The following CTNNA3 variants were observed in gnomAD, a reference collection of about 807,000 sequenced individuals.
The protein encoded by CTNNA3 is catenin alpha 3.
CTNNA3 carries 76 observed loss-of-function variants against 95.7 expected under a neutral mutation model. That is an observed-to-expected ratio of 0.79 (90% CI 0.66 to 0.96). CTNNA3 has a LOEUF of 0.96. CTNNA3 is among the 40% of genes least tolerant of loss of function. The pLI is 0.00. For missense variants in CTNNA3, 1,191 were observed against 1,089.8 expected (o/e 1.09, Z -1.31); for synonymous variants, 431 against 374.4 (o/e 1.15, Z -1.74).
intron 10 of CTNNA3, among the ~76,000 whole-genome samples, chr10:66,593,243 G>A (rs1186408556): frequency 1.3e-5 from 2 of 152,092 alleles, no homozygotes; most frequent in East Asian, 3.9e-4. Context: ...GGTGAGAACA[G>A]AACTAATCTG....
At chr10:66,109,313 G>C (rs1437393488) in intron 13 of CTNNA3, among the ~76,000 whole-genome samples, 1 of 152,166 alleles carries the variant, frequency 6.6e-6, no homozygotes, top group African/African-American at 2.4e-5. Flanking sequence ...TTAGCCTCAA[G>C]AGAAGTGTTT....
chr10:66,413,012 G>T (rs1158617465), intron 11 of CTNNA3, among the ~76,000 whole-genome samples: 1 of 152,142 alleles, frequency 6.6e-6, no homozygotes, highest in African/African-American at 2.4e-5. Flanking sequence ...CACAGGAATT[G>T]CAATATAAGT....
chr10:65,989,010 G>A (rs1157124223), intron 15 of CTNNA3, among the ~76,000 whole-genome samples: 2 of 151,976 alleles, frequency 1.3e-5, no homozygotes, highest in Non-Finnish European at 2.9e-5. Context: ...GTGCAGTCTC[G>A]GCTCACTGCA....
chr10:67,090,549 G>A (rs993586551), intron 7 of CTNNA3, among the ~76,000 whole-genome samples: 1 of 152,034 alleles, frequency 6.6e-6, no homozygotes, highest in African/African-American at 2.4e-5. Flanking sequence ...CAACCACTTA[G>A]GCAACTCACT....
chr10:67,509,982 A>G (rs1474137517), intron 5 of CTNNA3, among the ~76,000 whole-genome samples: 1 of 152,090 alleles, frequency 6.6e-6, no homozygotes, highest in Non-Finnish European at 1.5e-5. Context: ...TGGCTGCATA[A>G]ATGTCTTCTT....
chr10:66,366,655 T>G (rs919771621), intron 12 of CTNNA3, among the ~76,000 whole-genome samples: 1 of 152,142 alleles, frequency 6.6e-6, no homozygotes, highest in Non-Finnish European at 1.5e-5. Context: ...GCTCCAGAAC[T>G]GTGAGCAATA....
intron 5 of CTNNA3, among the ~76,000 whole-genome samples, chr10:67,506,439 C>T (rs924373013): frequency 2.0e-5 from 3 of 152,116 alleles, no homozygotes; most frequent in African/African-American, 7.2e-5. Context: ...AATAAGTACG[C>T]CTTAAAAAAA....
chr10:67,460,572 C>T (rs1847338685), intron 5 of CTNNA3, among the ~76,000 whole-genome samples: 2 of 152,098 alleles, frequency 1.3e-5, no homozygotes, highest in Non-Finnish European at 2.9e-5. Flanking sequence ...AACGAAACAG[C>T]ATAAATAGCT....
chr10:66,913,273 A>C (rs891995975), intron 7 of CTNNA3, among the ~76,000 whole-genome samples: 3 of 150,110 alleles, frequency 2.0e-5, no homozygotes, highest in African/African-American at 7.3e-5. Flanking sequence ...AAAGAAAAAG[A>C]AAAAAGAAAT....
At chr10:66,593,349 T>A (rs61311885) in intron 10 of CTNNA3, among the ~76,000 whole-genome samples, 6 of 151,948 alleles carry the variant, frequency 3.9e-5, no homozygotes, top group Non-Finnish European at 7.4e-5. Flanking sequence ...AAAGTGCACA[T>A]TCTGCTCCCC....
chr10:66,960,108 A>G (rs1047106979), intron 7 of CTNNA3, among the ~76,000 whole-genome samples: 1 of 151,986 alleles, frequency 6.6e-6, no homozygotes, highest in Admixed American at 6.6e-5. Flanking sequence ...CCCTAAAAAT[A>G]TTTCTTTCTC....
chr10:66,952,298 GAA>G (rs1589479983), intron 7 of CTNNA3, among the ~76,000 whole-genome samples: 2 of 152,182 alleles, frequency 1.3e-5, no homozygotes, highest in East Asian at 1.9e-4. Flanking sequence ...CTGAGGCTTT[GAA>G]AAGAGACAGA....
chr10:66,490,122 T>G (rs1412808257), intron 11 of CTNNA3, among the ~76,000 whole-genome samples: 1 of 152,204 alleles, frequency 6.6e-6, no homozygotes, highest in Non-Finnish European at 1.5e-5. Flanking sequence ...AGACTAACTT[T>G]GGTGCCTCAT....
intron 7 of CTNNA3, among the ~76,000 whole-genome samples, chr10:66,818,818 T>G (rs1842189867): frequency 6.6e-6 from 1 of 151,908 alleles, no homozygotes; most frequent in African/African-American, 2.4e-5. Flanking sequence ...TAGAAAAAAG[T>G]TAGGCTCACC....
chr10:67,521,251 C>T (rs900612807), intron 5 of CTNNA3, among the ~76,000 whole-genome samples: 1 of 152,048 alleles, frequency 6.6e-6, no homozygotes, highest in African/African-American at 2.4e-5. Context: ...AGTTCTAAAA[C>T]AAACCCTATA....
chr10:66,158,789 T>C (rs2084688027), intron 13 of CTNNA3, among the ~76,000 whole-genome samples: 1 of 152,148 alleles, frequency 6.6e-6, no homozygotes, highest in East Asian at 1.9e-4. Flanking sequence ...GCATAGGACA[T>C]GTTTCCATTT....
rs535546028 is a variant in CTNNA3, at chr10:66,252,454, T to C, written c.1884+28016A>G. Among the ~76,000 whole-genome samples, 5 of 152,346 alleles carry C rather than the reference T, an allele frequency of 3.3e-5. No individual in the cohort carries two copies. In the South Asian group the frequency reaches 1.0e-3, roughly 32 times the overall value. ...ACAACTAGCTGCTAATTATTTACTA[T>C]GTGTCAAGTCTTATAATGCTGAAGT... is the stretch of plus-strand genomic sequence containing the variant. On this transcript the variant is annotated intron_variant, in intron 13 of 17. Transcript: ENST00000433211.
At chr10:66,087,842 T>C (rs2133678249) in intron 14 of CTNNA3, among the ~76,000 whole-genome samples, 1 of 152,214 alleles carries the variant, frequency 6.6e-6, no homozygotes, top group African/African-American at 2.4e-5. Context: ...AGTCTAGAGG[T>C]AGTGCTACTG....
intron 11 of CTNNA3, among the ~76,000 whole-genome samples, chr10:66,381,047 G>T (rs1005583130): frequency 6.6e-6 from 1 of 152,066 alleles, no homozygotes; most frequent in Non-Finnish European, 1.5e-5. Flanking sequence ...TCTGCAACAA[G>T]CAGACCTAAG....
Sources: allele counts gnomAD v4.1 joint callset (sites outside exome capture counted in the v4.1 genomes callset), GRCh38; gene constraint gnomAD v4.1.1; transcripts MANE v1.5; gene names NCBI Gene and HGNC (gene_info 2026-07-23, HGNC 2026-07-21).